The following RINL variants were observed in gnomAD, a reference collection of about 807,000 sequenced individuals.
The protein encoded by RINL is Ras and Rab interactor like.
RINL carries 39 observed loss-of-function variants against 58.1 expected under a neutral mutation model. The ratio of observed to expected loss-of-function variants is 0.67; its 90% confidence interval spans 0.52 to 0.88. RINL has a LOEUF of 0.88. RINL is among the 40% of genes least tolerant of loss of function. The pLI is 0.00. For synonymous variants in RINL, 286 were observed against 323.1 expected, an observed-to-expected ratio of 0.89 and a Z score of 1.23; for missense variants, 711 against 749.2, an observed-to-expected ratio of 0.95 and a Z score of 0.60.
chr19:38,873,959 G>C lies in RINL; in HGVS notation c.240C>G (p.Ser80Arg). ...GSFLVTGRDPSQALVLRSGPL... is the reference protein window; with the variant it reads ...GSFLVTGRDPRQALVLRSGPL... Reference sequence around the variant, plus strand: ...GTCCTGACCTCAACACCAGGGCCTGGCTGGGGTCACGTCCTGTGACCAAGA... The same window carrying C: ...GTCCTGACCTCAACACCAGGGCCTGCCTGGGGTCACGTCCTGTGACCAAGA... Residue 80 changes from serine (S) to arginine (R), a missense_variant, in exon 4 of 12, where the codon AGC becomes AGG. Transcript: ENST00000591812. The C allele has an allele frequency of 6.5e-7, 1 of 1,535,648 alleles. No individual in the cohort carries two copies. Among genetic ancestry groups the C allele is most frequent in the Non-Finnish European group, 8.7e-7 (1 of 1,146,526 alleles).
intron 3 of RINL, among the ~76,000 whole-genome samples, chr19:38,875,359 A>G (rs963081503): frequency 2.6e-5 from 4 of 151,300 alleles, no homozygotes; most frequent in Admixed American, 6.6e-5. Context: ...CCAGCCATCT[A>G]TATTTTCTGA....
At position 38,871,108 on chromosome 19, in the gene RINL, C is replaced by G. The variant is rs1260457360; in HGVS notation, c.571G>C (p.Glu191Gln). ...TCATGTCTCTGAGCAGCCTCTGGCT[C>G]TGTTTCTTGAGGGGTCTGCTCCCTC... ...WGREQTPQET[E>Q]PEAAQRHDPA... The change falls in exon 7 of 12, where the codon GAG (glutamate) becomes CAG (glutamine). Residue 191 changes from glutamate to glutamine, a missense_variant. Transcript: ENST00000591812. 1 of 1,609,848 alleles carries G rather than the reference C, an allele frequency of 6.2e-7. No individual in the cohort carries two copies. The highest frequency in any genetic ancestry group is 1.3e-5 in the African/African-American group (1 of 74,806).
At chr19:38,872,015 C>CT (rs1208965124) in intron 4 of RINL, 145 bp from the exon 5 acceptor site, 29 of 674,896 alleles carry the variant, frequency 4.3e-5, no homozygotes, top group Non-Finnish European at 6.4e-5. Context: ...GAGTCTCCAT[C>CT]TTTACTCTTG....
intron 6 of RINL, chr19:38,871,435 C>T: frequency 1.5e-6 from 1 of 678,954 alleles, no homozygotes; most frequent in South Asian, 1.9e-5. Context: ...GTTCCTTCCT[C>T]CTCCAATCCT....
At position 38,877,798 on chromosome 19, in the gene RINL, C is replaced by CCCTCCCTT. The variant is rs201615825; in HGVS notation, c.-40+426_-40+433dup. 9.9e-3 allele frequency among the ~76,000 whole-genome samples: 1,499 copies of CCCTCCCTT among 151,970 alleles called. 30 individuals carry two copies. Among genetic ancestry groups the CCCTCCCTT allele is most frequent in the African/African-American group, 0.03 (1,259 of 41,454 alleles). ...GAGGATCCATCCTCCCTCCCTCCCT[C>CCCTCCCTT]CCTCCCTTCCTTCCTTCCTTCCATC... On this transcript the variant is annotated intron_variant, in intron 1 of 11. Coordinates refer to ENST00000591812, the MANE Select transcript of RINL (RefSeq NM_001195833.2).
At chr19:38,876,248 C>CAATTTGTG in intron 3 of RINL, 83 bp downstream of exon 3, 2 of 1,387,210 alleles carry the variant, frequency 1.4e-6, no homozygotes, top group Non-Finnish European at 1.9e-6. Flanking sequence ...TTGGTTTGCC[C>CAATTTGTG]AATTTGTGTC....
At chr19:38,874,417 C>T (rs1318701865) in intron 3 of RINL, among the ~76,000 whole-genome samples, 3 of 152,128 alleles carry the variant, frequency 2.0e-5, no homozygotes, top group Non-Finnish European at 2.9e-5. Flanking sequence ...GGATTACGGG[C>T]GACTGCCACC....
chr19:38,877,494 G>T (rs1445076561), intron 1 of RINL, among the ~76,000 whole-genome samples: 1 of 152,040 alleles, frequency 6.6e-6, no homozygotes, highest in Non-Finnish European at 1.5e-5. Flanking sequence ...CCCACACCAT[G>T]GAGGGGCCAC....
chr19:38,874,430 G>T (rs1006079807), intron 3 of RINL, among the ~76,000 whole-genome samples: 1 of 152,076 alleles, frequency 6.6e-6, no homozygotes, highest in African/African-American at 2.4e-5. Flanking sequence ...CTGCCACCAC[G>T]CCCGGCTAAG....
Position 38,869,032 on chromosome 19 carries a change from C to T in RINL, c.*72G>A. The T allele has an allele frequency of 7.2e-7, 1 of 1,386,916 alleles. No homozygotes were observed. The allele number at this position is 1,386,916 out of a possible 1,614,324, so 85.9% of individuals were successfully genotyped here. A position where few individuals can be genotyped will look rare whatever the true frequency, so the allele number is the denominator to read the frequency against. ...CCCAGGCTGGTCTCAAACTCCTGGG[C>T]TCAAGCAATCCTCCCACCTTGGCCT... On this transcript the variant is annotated 3_prime_UTR_variant, in exon 12 of 12. Coordinates refer to ENST00000591812, the MANE Select transcript of RINL (RefSeq NM_001195833.2). The surrounding 1 kb of genome is among the most constrained non-coding windows in gnomAD (Gnocchi z 5.7).
chr19:38,876,842 T>C (rs1972939113), intron 1 of RINL, 61 bp from the exon 2 acceptor site: 5 of 941,422 alleles, frequency 5.3e-6, no homozygotes, highest in Non-Finnish European at 8.3e-6. Flanking sequence ...TTCAAGATAT[T>C]TACAATCAAT....
intron 3 of RINL, among the ~76,000 whole-genome samples, chr19:38,875,712 C>T (rs917105699): frequency 5.3e-5 from 8 of 151,418 alleles, no homozygotes; most frequent in African/African-American, 1.9e-4. Context: ...CTTTATTTTT[C>T]CTGTAAAATA....
chr19:38,870,160 C>G lies in RINL; in HGVS notation c.1125G>C (p.Arg375=), dbSNP rs1972772989. The change falls in exon 9 of 12, where the codon CGG becomes CGC. Residue 375 remains arginine (R), a synonymous_variant. Coordinates refer to ENST00000591812, the MANE Select transcript of RINL (RefSeq NM_001195833.2). This position sits in a 1 kb window ranked among gnomAD's most constrained non-coding sequence, Gnocchi z 5.8. Reference sequence around the variant, plus strand: ...GCAGGGCTGTCTGTCGCCGCCGCAGCCGCCGCAGCTCCGGTGCTCGGAGTG... The same window carrying G: ...GCAGGGCTGTCTGTCGCCGCCGCAGGCGCCGCAGCTCCGGTGCTCGGAGTG... ...LRTLRAPELR[R]LRRRQTALRA... 1.4e-6 allele frequency: 2 copies of G among 1,408,290 alleles called. No homozygotes were observed. The highest frequency in any genetic ancestry group is 1.8e-6 in the Non-Finnish European group (2 of 1,091,794). 87.2% of individuals were successfully genotyped at this position (1,408,290 alleles called of 1,614,324 possible).
Position 38,870,214 on chromosome 19 carries a change from C to A in RINL, c.1071G>T (p.Leu357=). ...TAVCQAVLAP[L]KPALWTRLRT... is the part of the protein sequence containing the mutation. ...GGAGTCGTGTCCACAGGGCCGGCTT[C>A]AGGGGCGCCAGCACCGCCTGGCACA... The change falls in exon 9 of 12, where the codon CTG becomes CTT. Residue 357 remains leucine, a synonymous_variant. Transcript: ENST00000591812. The surrounding 1 kb of genome is among the most constrained non-coding windows in gnomAD (Gnocchi z 5.8). 1 of 1,387,496 alleles carries A rather than the reference C, an allele frequency of 7.2e-7. No individual in the cohort carries two copies. Among genetic ancestry groups the A allele is most frequent in the South Asian group, 1.6e-5 (1 of 61,888 alleles). The allele number at this position is 1,387,496 out of a possible 1,614,324, so 85.9% of individuals were successfully genotyped here. A position where few individuals can be genotyped will look rare whatever the true frequency, so the allele number is the denominator to read the frequency against.
At chr19:38,871,294 G>A (rs995337005) in intron 6 of RINL, 67 bp from the exon 7 acceptor site, 30 of 1,553,294 alleles carry the variant, frequency 1.9e-5, no homozygotes, top group African/African-American at 2.7e-5. Flanking sequence ...CCCTCAAGGC[G>A]CCAGGAGACT....
intron 7 of RINL, 34 bp downstream of exon 7, chr19:38,871,044 C>T (rs765957265): frequency 6.3e-5 from 100 of 1,579,474 alleles, no homozygotes; most frequent in Non-Finnish European, 8.2e-5. Context: ...GCAGCTCCCT[C>T]CCCTTCAGAG....
At position 38,867,970 on chromosome 19, in the gene RINL, G is replaced by C. The variant is rs1401471930; in HGVS notation, c.*1134C>G. On this transcript the variant is annotated 3_prime_UTR_variant, in exon 12 of 12. Transcript: ENST00000591812. ...TATTTATTTATTTATTTTTGAGATG[G>C]TGTTTCACTCTTGTTGCCCAGGCTG... The C allele has an allele frequency of 6.6e-6, 1 of 152,040 alleles. No individual in the cohort carries two copies. The highest frequency in any genetic ancestry group is 1.5e-5 in the Non-Finnish European group (1 of 68,018). 9.4% of individuals were successfully genotyped at this position (152,040 alleles called of 1,614,324 possible). A position where few individuals can be genotyped will look rare whatever the true frequency, so the allele number is the denominator to read the frequency against.
chr19:38,870,637 C>G lies in RINL; in HGVS notation c.957G>C (p.Lys319Asn). Residue 319 changes from lysine (K) to asparagine (N), a missense_variant, in exon 8 of 12, where the codon AAG becomes AAC. Coordinates refer to ENST00000591812, the MANE Select transcript of RINL (RefSeq NM_001195833.2). The surrounding 1 kb of genome is among the most constrained non-coding windows in gnomAD (Gnocchi z 5.8). ...LLTDLQDHLA[K>N]DSYIRAVFGS... ...CAAAGACAGCCCTGATGTAGGAGTC[C>G]TTTGCCAGGTGATCCTGGAGGTCAG... The G allele has an allele frequency of 6.2e-7, 1 of 1,613,074 alleles. No homozygotes were observed. The highest frequency in any genetic ancestry group is 8.5e-7 in the Non-Finnish European group (1 of 1,179,504).
intron 3 of RINL, among the ~76,000 whole-genome samples, chr19:38,875,868 C>G (rs987734608): frequency 1.3e-5 from 2 of 152,046 alleles, no homozygotes; most frequent in African/African-American, 4.8e-5. Context: ...TGATCTAAAG[C>G]CAGCAGCTGC....
Sources: allele counts gnomAD v4.1 joint callset (sites outside exome capture counted in the v4.1 genomes callset), GRCh38; gene constraint gnomAD v4.1.1; non-coding constraint Gnocchi (gnomAD v3.1); transcripts MANE v1.5; gene names NCBI Gene and HGNC (gene_info 2026-07-23, HGNC 2026-07-21).